The following CCSER1 variants were observed in gnomAD, a reference collection of about 807,000 sequenced individuals.
CCSER1 encodes the protein serine-rich coiled-coil domain-containing protein 1.
CCSER1 carries 41 observed loss-of-function variants against 82.0 expected under a neutral mutation model. The observed-to-expected ratio is 0.50, with a 90% CI of 0.39 to 0.65. The LOEUF (loss-of-function observed/expected upper bound fraction) is 0.65, where lower values mean the gene tolerates loss of function less well. Among genes scored for constraint, CCSER1 ranks in the 30% least tolerant of loss-of-function variants. The pLI is 0.00. For synonymous variants in CCSER1, 414 were observed against 383.9 expected (o/e 1.08, Z -0.92); for missense variants, 1,119 against 1,064.2 (o/e 1.05, Z -0.72).
chr4:90,687,334 C>G (rs765503784), intron 6 of CCSER1, among the ~76,000 whole-genome samples: 1 of 151,830 alleles, frequency 6.6e-6, no homozygotes, highest in Non-Finnish European at 1.5e-5. Context: ...TCTTTTGTTT[C>G]TGGAAAATTT....
chr4:91,439,514 C>A (rs1411482717), intron 10 of CCSER1, among the ~76,000 whole-genome samples: 2 of 152,042 alleles, frequency 1.3e-5, no homozygotes, highest in African/African-American at 4.8e-5. Context: ...CCAGTACCAG[C>A]CACTGCAAAA....
intron 10 of CCSER1, among the ~76,000 whole-genome samples, chr4:91,518,782 C>T (rs1025645574): frequency 6.6e-6 from 1 of 152,148 alleles, no homozygotes; most frequent in Non-Finnish European, 1.5e-5. Context: ...TGTCACTTGC[C>T]TTTGAGAGAC....
chr4:90,434,682 A>G (rs1758769811), intron 4 of CCSER1, among the ~76,000 whole-genome samples: 1 of 152,120 alleles, frequency 6.6e-6, no homozygotes, highest in Non-Finnish European at 1.5e-5. Context: ...ATGAGAAAGG[A>G]AGATGGGAGA....
At chr4:90,843,552 A>G (rs1337912248) in intron 8 of CCSER1, among the ~76,000 whole-genome samples, 2 of 152,150 alleles carry the variant, frequency 1.3e-5, no homozygotes, top group Non-Finnish European at 2.9e-5. Context: ...CTCAACATCC[A>G]AGTATTTTCT....
At chr4:90,901,403 T>C (rs1423876587) in intron 8 of CCSER1, among the ~76,000 whole-genome samples, 4 of 152,056 alleles carry the variant, frequency 2.6e-5, no homozygotes, top group Non-Finnish European at 5.9e-5. Flanking sequence ...TTTGTACTTA[T>C]GGGTGCTTTT....
At chr4:90,615,997 ATATGGAGGTAAGACCTCTCAC>A (rs1461279770) in intron 5 of CCSER1, among the ~76,000 whole-genome samples, 2 of 152,326 alleles carry the variant, frequency 1.3e-5, no homozygotes, top group South Asian at 2.1e-4. Context: ...GCAGTCATAA[ATATGGAGGTAAGACCTCTCAC>A]TAGCAAAAGA....
intron 1 of CCSER1, among the ~76,000 whole-genome samples, chr4:90,306,177 CG>C (rs1170011182): frequency 4.0e-5 from 6 of 151,888 alleles, no homozygotes; most frequent in Non-Finnish European, 8.8e-5. Flanking sequence ...ATGGAAGGAC[CG>C]GGGGCTGGGG....
At chr4:91,037,928 GA>G (rs1741594479) in intron 9 of CCSER1, among the ~76,000 whole-genome samples, 1 of 151,916 alleles carries the variant, frequency 6.6e-6, no homozygotes. Context: ...GTAAAAATAT[GA>G]AAAATTTTTT....
intron 9 of CCSER1, among the ~76,000 whole-genome samples, chr4:91,052,384 A>G (rs928632964): frequency 1.3e-5 from 2 of 152,096 alleles, no homozygotes; most frequent in Non-Finnish European, 2.9e-5. Flanking sequence ...TTGATAACCT[A>G]TACTTACTCT....
At chr4:90,752,412 G>A (rs1400384904) in intron 7 of CCSER1, among the ~76,000 whole-genome samples, 2 of 152,064 alleles carry the variant, frequency 1.3e-5, no homozygotes, top group African/African-American at 4.8e-5. Flanking sequence ...TGAATTCACA[G>A]GAGGGGAGTC....
intron 6 of CCSER1, among the ~76,000 whole-genome samples, chr4:90,634,382 A>G (rs1471746154): frequency 6.6e-6 from 1 of 151,704 alleles, no homozygotes; most frequent in Non-Finnish European, 1.5e-5. Context: ...CATTAATTTC[A>G]TTTTACCTAA....
At chr4:91,085,066 C>G (rs954004213) in intron 9 of CCSER1, among the ~76,000 whole-genome samples, 2 of 150,952 alleles carry the variant, frequency 1.3e-5, no homozygotes, top group Non-Finnish European at 3.0e-5. Flanking sequence ...AAATATAAAG[C>G]TAGAAACATA....
chr4:90,777,858 T>A (rs564069473), intron 7 of CCSER1, among the ~76,000 whole-genome samples: 2 of 152,128 alleles, frequency 1.3e-5, no homozygotes, highest in Admixed American at 1.3e-4. Flanking sequence ...TGTTTACACA[T>A]CTAAAGCATT....
chr4:90,662,871 A>G (rs1731084239), intron 6 of CCSER1, among the ~76,000 whole-genome samples: 1 of 152,154 alleles, frequency 6.6e-6, no homozygotes, highest in South Asian at 2.1e-4. Flanking sequence ...TCATAATCCA[A>G]TGATGTCTCT....
chr4:91,596,890 A>G (rs780076555), intron 10 of CCSER1, among the ~76,000 whole-genome samples: 4 of 152,104 alleles, frequency 2.6e-5, no homozygotes, highest in Non-Finnish European at 4.4e-5. Context: ...GAAAGATGAC[A>G]TCACAGACAT....
At chr4:90,400,463 A>G (rs1044355007) in intron 4 of CCSER1, among the ~76,000 whole-genome samples, 2 of 152,144 alleles carry the variant, frequency 1.3e-5, no homozygotes, top group African/African-American at 4.8e-5. Flanking sequence ...AATAATTATA[A>G]TCTCACTTTT....
intron 6 of CCSER1, chr4:90,649,544 A>T (rs115342756): frequency 6.6e-6 from 1 of 152,118 alleles, no homozygotes; most frequent in Admixed American, 6.6e-5. Context: ...GAAGGCAGCT[A>T]TTTGCAAGCC....
At chr4:90,574,009 T>G (rs1780408361) in intron 5 of CCSER1, among the ~76,000 whole-genome samples, 1 of 151,124 alleles carries the variant, frequency 6.6e-6, no homozygotes, top group African/African-American at 2.5e-5. Flanking sequence ...ATGGAGTGAA[T>G]GAAGGATATT....
rs144807211 is a variant in CCSER1, at chr4:90,796,300, AT to A, written c.2011-19453del. ...TCATAGAGGTATTAATAATATTTTG[AT>A]TTTTTTTTGTATTTCTGTGGGGTCA... On this transcript the variant is annotated intron_variant, in intron 7 of 10. Coordinates refer to ENST00000509176, the MANE Select transcript of CCSER1 (RefSeq NM_001145065.2). Among the ~76,000 whole-genome samples, 87 of 144,826 alleles carry A rather than the reference AT, an allele frequency of 6.0e-4. 1 individual carries two copies. Among genetic ancestry groups the A allele is most frequent in the Middle Eastern group, 3.7e-3 (1 of 272 alleles).
Sources: allele counts gnomAD v4.1 joint callset (sites outside exome capture counted in the v4.1 genomes callset), GRCh38; gene constraint gnomAD v4.1.1; transcripts MANE v1.5; gene names NCBI Gene and HGNC (gene_info 2026-07-23, HGNC 2026-07-21).